Variants in PHLDB1 observed in about 807,000 individuals in gnomAD.
PHLDB1 encodes pleckstrin homology like domain family B member 1, also known as pleckstrin homology-like domain family B member 1.
PHLDB1 carries 65 observed loss-of-function variants against 139.3 expected under a neutral mutation model. That is an observed-to-expected ratio of 0.47 (90% CI 0.38 to 0.57). The LOEUF (loss-of-function observed/expected upper bound fraction) is 0.57, where lower values mean the gene tolerates loss of function less well. PHLDB1 is among the 20% of genes least tolerant of loss of function. PHLDB1 has a pLI of 0.00. For missense variants in PHLDB1, 1,624 were observed against 1,839.7 expected, an observed-to-expected ratio of 0.88 and a Z score of 2.14; for synonymous variants, 679 against 734.5, an observed-to-expected ratio of 0.92 and a Z score of 1.22.
At position 118,628,528 on chromosome 11, in the gene PHLDB1, G is replaced by T. The variant is rs1565436724; in HGVS notation, c.1705G>T (p.Val569Leu). The T allele has an allele frequency of 6.2e-7, 1 of 1,613,246 alleles. No homozygotes were observed. The highest frequency in any genetic ancestry group is 8.5e-7 in the Non-Finnish European group (1 of 1,180,034). Residue 569 changes from valine to leucine, a missense_variant, in exon 6 of 23, where the codon GTG (valine) becomes TTG (leucine). Transcript: ENST00000600882. Reference protein sequence around the residue: ...QRKLSSGDLRVPVTRERKNSI... With the variant: ...QRKLSSGDLRLPVTRERKNSI... ...GAAGCTCTCCAGCGGGGACTTGCGGGTGCCTGTCACAAGGGAGCGGAAAAA... is the reference window on the plus strand; with the variant it reads ...GAAGCTCTCCAGCGGGGACTTGCGGTTGCCTGTCACAAGGGAGCGGAAAAA...
At chr11:118,653,029 G>A (rs1224867881) in intron 20 of PHLDB1, 1 of 152,416 alleles carries the variant, frequency 6.6e-6, no homozygotes, top group African/African-American at 2.4e-5. Context: ...TTAGACTCAG[G>A]GATGGGAGCT....
At chr11:118,646,335 T>G (rs1279924338) in intron 17 of PHLDB1, 1 of 152,578 alleles carries the variant, frequency 6.6e-6, no homozygotes, top group Non-Finnish European at 1.4e-5. Flanking sequence ...GATTACAACT[T>G]CATAGCTCTT....
intron 11 of PHLDB1, 46 bp from the exon 12 acceptor site, chr11:118,639,116 C>T (rs1387109178): frequency 6.3e-7 from 1 of 1,589,416 alleles, no homozygotes; most frequent in Non-Finnish European, 8.6e-7. Flanking sequence ...CTCACACAGT[C>T]TCCTGGCTCC....
At chr11:118,622,091 C>T (rs1555095586) in intron 4 of PHLDB1, among the ~76,000 whole-genome samples, 1 of 152,194 alleles carries the variant, frequency 6.6e-6, no homozygotes, top group Non-Finnish European at 1.5e-5. Context: ...GATTCACCCT[C>T]TCCTTCGCCC....
intron 9 of PHLDB1, chr11:118,634,679 C>T (rs1190322645): frequency 4.6e-6 from 1 of 217,358 alleles, no homozygotes; most frequent in African/African-American, 2.4e-5. Context: ...GGGCCCTCTC[C>T]CTCTTCACCT....
At chr11:118,619,945 A>G (rs1942427095) in intron 4 of PHLDB1, among the ~76,000 whole-genome samples, 1 of 152,004 alleles carries the variant, frequency 6.6e-6, no homozygotes, top group Non-Finnish European at 1.5e-5. Flanking sequence ...TGTCTGGGGG[A>G]TGTGTGCATG....
chr11:118,627,146 G>A (rs1944016543), intron 5 of PHLDB1, 159 bp from the exon 6 acceptor site: 2 of 672,022 alleles, frequency 3.0e-6, no homozygotes, highest in African/African-American at 3.6e-5. Flanking sequence ...AGGTTGCATA[G>A]CAGGTCAGTG....
At chr11:118,622,806 G>A (rs948969523) in intron 4 of PHLDB1, among the ~76,000 whole-genome samples, 12 of 152,182 alleles carry the variant, frequency 7.9e-5, no homozygotes, top group Admixed American at 1.3e-4. Flanking sequence ...TTGTAATTAG[G>A]TGGACAGTGT....
rs990790713 is a variant in PHLDB1, at chr11:118,628,105, A to G, written c.1282A>G (p.Thr428Ala). ...TSPSRQLVGRTFSDGLATRTL... is the reference protein window; with the variant it reads ...TSPSRQLVGRAFSDGLATRTL... The stretch of plus-strand genomic sequence containing the variant: ...CCCCTCACGCCAACTGGTGGGCCGA[A>G]CATTTTCAGATGGGTTAGCCACCCG... Residue 428 changes from threonine (T) to alanine (A), a missense_variant, in exon 6 of 23, where the codon ACA becomes GCA. Coordinates refer to ENST00000600882, the MANE Select transcript of PHLDB1 (RefSeq NM_001144758.3). 2 of 1,613,928 alleles carry G rather than the reference A, an allele frequency of 1.2e-6. No homozygotes were observed. The highest frequency in any genetic ancestry group is 4.5e-5 in the East Asian group (2 of 44,848).
chr11:118,613,981 G>A, intron 2 of PHLDB1, 85 bp downstream of exon 2: 4 of 841,658 alleles, frequency 4.8e-6, no homozygotes, highest in South Asian at 2.9e-5. Context: ...CCAGCCCAAG[G>A]ATGAAAGGAG....
At chr11:118,621,900 T>C (rs1942887863) in intron 4 of PHLDB1, among the ~76,000 whole-genome samples, 1 of 152,150 alleles carries the variant, frequency 6.6e-6, no homozygotes, top group Admixed American at 6.5e-5. Context: ...CTTCCTCCCA[T>C]ATTCCCTTCA....
rs1210474725 is a variant in PHLDB1, at chr11:118,645,990, G to A, written c.3507+165G>A. Among the ~76,000 whole-genome samples the A allele has an allele frequency of 6.6e-6, 1 of 152,144 alleles. No homozygotes were observed. The highest frequency in any genetic ancestry group is 1.5e-5 in the Non-Finnish European group (1 of 68,024). ...AAAGGTTGTATTCTGGCCGGGCGCGGTGGCTCATGCCCGTAATCCCAGCAC... is the reference window on the plus strand; with the variant it reads ...AAAGGTTGTATTCTGGCCGGGCGCGATGGCTCATGCCCGTAATCCCAGCAC... On this transcript the variant is annotated intron_variant, in intron 17 of 22. Transcript: ENST00000600882. The surrounding 1 kb of genome is among the most constrained non-coding windows in gnomAD (Gnocchi z 5.1).
In PHLDB1 at chr11:118,608,446, G is replaced by T. The variant is rs1397737259; in HGVS notation, c.-22+747G>T. On this transcript the variant is annotated intron_variant, in intron 1 of 22. Coordinates refer to ENST00000600882, the MANE Select transcript of PHLDB1 (RefSeq NM_001144758.3). The surrounding 1 kb of genome is among the most constrained non-coding windows in gnomAD (Gnocchi z 6.7). ...GATAGGGAAGTGCGGGCGGGCGGCT[G>T]GGTAGGGGCGCCGGCGCAGGGTGGC... Among the ~76,000 whole-genome samples the T allele has an allele frequency of 6.6e-6, 1 of 152,170 alleles. No individual in the cohort carries two copies. The highest frequency in any genetic ancestry group is 1.5e-5 in the Non-Finnish European group (1 of 68,006).
At chr11:118,606,927 C>T (rs1939328291), upstream of PHLDB1, among the ~76,000 whole-genome samples, 1 of 152,230 alleles carries the variant, frequency 6.6e-6, no homozygotes, top group East Asian at 1.9e-4. Flanking sequence ...TAATTCCATT[C>T]GGTTTTCCTG....
chr11:118,628,735 G>C, intron 6 of PHLDB1, 85 bp downstream of exon 6: 1 of 1,367,670 alleles, frequency 7.3e-7, no homozygotes, highest in Non-Finnish European at 9.8e-7. Context: ...GAGCAGGAGA[G>C]GCCCTCAAAC....
At chr11:118,647,794 T>A in intron 17 of PHLDB1, 136 bp from the exon 18 acceptor site, 1 of 867,068 alleles carries the variant, frequency 1.2e-6, no homozygotes, top group Non-Finnish European at 1.7e-6. Flanking sequence ...TTGGAGAGGG[T>A]GGGCTTTGAA....
chr11:118,644,331 T>G, intron 15 of PHLDB1, 157 bp downstream of exon 15: 2 of 618,588 alleles, frequency 3.2e-6, no homozygotes, highest in South Asian at 3.9e-5. Context: ...AAAGAAGAGC[T>G]TCCTGGATAT....
At chr11:118,624,862 C>T (rs569251538) in intron 4 of PHLDB1, 72 bp from the exon 5 acceptor site, 48 of 1,521,598 alleles carry the variant, frequency 3.2e-5, no homozygotes, top group African/African-American at 6.8e-5. Context: ...CACCCTCCTC[C>T]GCCTCCAAAA....
chr11:118,609,927 C>T (rs1005313944), intron 1 of PHLDB1, among the ~76,000 whole-genome samples: 6 of 152,098 alleles, frequency 3.9e-5, no homozygotes, highest in Admixed American at 1.3e-4. Flanking sequence ...GCTCTCCCGG[C>T]TCCCCCTCTC....
Sources: allele counts gnomAD v4.1 joint callset (sites outside exome capture counted in the v4.1 genomes callset), GRCh38; gene constraint gnomAD v4.1.1; non-coding constraint Gnocchi (gnomAD v3.1); transcripts MANE v1.5; gene names NCBI Gene and HGNC (gene_info 2026-07-23, HGNC 2026-07-21).